CNTN4: variants seen among roughly 807,000 people sequenced by gnomAD.
CNTN4 encodes contactin 4, also known as contactin-4.
In CNTN4, 77 loss-of-function variants were observed where a neutral mutation model predicts 122.5. The ratio of observed to expected loss-of-function variants is 0.63; its 90% confidence interval spans 0.52 to 0.76. The LOEUF (loss-of-function observed/expected upper bound fraction) is 0.76. Among genes scored for constraint, CNTN4 ranks in the 30% least tolerant of loss-of-function variants. CNTN4 has a pLI of 0.00. For synonymous variants in CNTN4, 512 were observed against 447.0 expected, an observed-to-expected ratio of 1.15 and a Z score of -1.83; for missense variants, 1,256 against 1,259.1, an observed-to-expected ratio of 1.00 and a Z score of 0.04.
At chr3:2,444,062 A>C (rs985113022) in intron 3 of CNTN4, among the ~76,000 whole-genome samples, 3 of 152,048 alleles carry the variant, frequency 2.0e-5, no homozygotes, top group Non-Finnish European at 2.9e-5. Context: ...TCTTTCCTTC[A>C]TGGCAATGTA....
chr3:2,207,415 G>C (rs2038409978), intron 2 of CNTN4, among the ~76,000 whole-genome samples: 1 of 152,060 alleles, frequency 6.6e-6, no homozygotes, highest in African/African-American at 2.4e-5. Flanking sequence ...GTGAAAACAA[G>C]GGAAAAGTTC....
intron 9 of CNTN4, 52 bp downstream of exon 9, chr3:2,883,299 TAG>T (rs746689033): frequency 2.9e-6 from 4 of 1,385,672 alleles, no homozygotes; most frequent in African/African-American, 2.9e-5. Context: ...TGAGCAGGTA[TAG>T]AGTTTTTCTT....
chr3:2,920,949 G>A (rs1350532992), intron 12 of CNTN4, among the ~76,000 whole-genome samples: 1 of 152,066 alleles, frequency 6.6e-6, no homozygotes, highest in East Asian at 1.9e-4. Flanking sequence ...ACACTAGAAG[G>A]GGCACATCAT....
At chr3:3,055,482 C>A (rs1701698919) in intron 24 of CNTN4, among the ~76,000 whole-genome samples, 1 of 152,168 alleles carries the variant, frequency 6.6e-6, no homozygotes, top group African/African-American at 2.4e-5. Context: ...AGAGACCTTA[C>A]AAGATTGAAG....
chr3:2,591,742 C>T (rs182658679), intron 4 of CNTN4, among the ~76,000 whole-genome samples: 286 of 151,972 alleles, frequency 1.9e-3, no homozygotes, highest in African/African-American at 5.9e-3. Context: ...AAGGCCTAAA[C>T]GAAGAAAAAT....
intron 3 of CNTN4, among the ~76,000 whole-genome samples, chr3:2,499,666 A>G (rs2076544501): frequency 6.6e-6 from 1 of 152,018 alleles, no homozygotes; most frequent in Admixed American, 6.6e-5. Context: ...TTACTGGGTA[A>G]ATTGATTTCT....
chr3:2,458,748 G>T (rs1296507194), intron 3 of CNTN4, among the ~76,000 whole-genome samples: 1 of 151,986 alleles, frequency 6.6e-6, no homozygotes, highest in East Asian at 1.9e-4. Context: ...GATTCTTCTT[G>T]GCTTCCTTTT....
At chr3:2,271,558 A>G (rs1262104983) in intron 2 of CNTN4, among the ~76,000 whole-genome samples, 1 of 152,152 alleles carries the variant, frequency 6.6e-6, no homozygotes, top group Admixed American at 6.5e-5. Flanking sequence ...CACATTTTTA[A>G]TGTTCTATGT....
chr3:3,034,078 G>A (rs921942261), intron 16 of CNTN4, among the ~76,000 whole-genome samples: 11 of 152,180 alleles, frequency 7.2e-5, no homozygotes, highest in African/African-American at 2.4e-4. Flanking sequence ...AGCAGGGTTG[G>A]ATGTGAAGAG....
chr3:2,419,475 C>T (rs545426892), intron 3 of CNTN4, among the ~76,000 whole-genome samples: 117 of 152,180 alleles, frequency 7.7e-4, no homozygotes, highest in Non-Finnish European at 1.3e-3. Flanking sequence ...AACTGATACC[C>T]GTAAGTCCAT....
chr3:2,879,809 G>C (rs1021091012), intron 8 of CNTN4, among the ~76,000 whole-genome samples: 10 of 152,040 alleles, frequency 6.6e-5, no homozygotes, highest in Non-Finnish European at 1.2e-4. Flanking sequence ...AAAACCATTG[G>C]ATTGCACACT....
chr3:2,775,314 C>T (rs995007595), intron 6 of CNTN4, among the ~76,000 whole-genome samples: 7 of 152,032 alleles, frequency 4.6e-5, no homozygotes, highest in African/African-American at 1.5e-4. Context: ...CCCACCATGG[C>T]CCTCTTCCCC....
At chr3:2,819,215 G>A (rs1050322101) in intron 6 of CNTN4, among the ~76,000 whole-genome samples, 1 of 152,178 alleles carries the variant, frequency 6.6e-6, no homozygotes, top group Admixed American at 6.6e-5. Context: ...ACTAGTGTCT[G>A]AGGAACTGAA....
At chr3:2,909,229 C>T (rs2094272276) in intron 12 of CNTN4, among the ~76,000 whole-genome samples, 1 of 152,108 alleles carries the variant, frequency 6.6e-6, no homozygotes, top group Non-Finnish European at 1.5e-5. Context: ...AAGAGCTTTA[C>T]TTAAGTTGTC....
intron 7 of CNTN4, among the ~76,000 whole-genome samples, chr3:2,831,006 G>C (rs17021195): frequency 0.11 from 16,333 of 152,126 alleles, 1,310 homozygotes; most frequent in East Asian, 0.42. Flanking sequence ...TTGAACCTAG[G>C]AGTCTTAGGC....
At chr3:2,708,698 C>T (rs1005909592) in intron 4 of CNTN4, among the ~76,000 whole-genome samples, 1 of 151,802 alleles carries the variant, frequency 6.6e-6, no homozygotes, top group Admixed American at 6.6e-5. Flanking sequence ...GAGAGCACGT[C>T]CATGCACGCA....
chr3:2,755,923 G>A (rs368629440), intron 6 of CNTN4, among the ~76,000 whole-genome samples: 22 of 152,044 alleles, frequency 1.4e-4, no homozygotes, highest in Admixed American at 8.5e-4. Flanking sequence ...TTTTTGTTTC[G>A]TTGTTATGAG....
intron 3 of CNTN4, among the ~76,000 whole-genome samples, chr3:2,342,295 T>C (rs1010655422): frequency 1.3e-5 from 2 of 152,152 alleles, no homozygotes; most frequent in African/African-American, 4.8e-5. Context: ...ACTGCACTCA[T>C]AGGGAAAATA....
At chr3:2,515,165 A>G (rs2077004745) in intron 3 of CNTN4, among the ~76,000 whole-genome samples, 1 of 152,106 alleles carries the variant, frequency 6.6e-6, no homozygotes, top group Admixed American at 6.6e-5. Flanking sequence ...CTGCTCTGTT[A>G]TATATTAGAA....
Sources: allele counts gnomAD v4.1 joint callset (sites outside exome capture counted in the v4.1 genomes callset), GRCh38; gene constraint gnomAD v4.1.1; transcripts MANE v1.5; gene names NCBI Gene and HGNC (gene_info 2026-07-23, HGNC 2026-07-21).